PALD1: variants seen among roughly 807,000 people sequenced by gnomAD.
The protein encoded by PALD1 is phosphatase domain containing paladin 1.
PALD1 carries 57 observed loss-of-function variants against 96.0 expected under a neutral mutation model. The observed-to-expected ratio is 0.59, with a 90% CI of 0.48 to 0.74. The LOEUF is 0.74. Ranked by LOEUF, PALD1 falls within the 30% of genes least tolerant of loss-of-function variation. PALD1 has a pLI of 0.00. For synonymous variants in PALD1, 464 were observed against 473.6 expected (o/e 0.98, Z 0.26); for missense variants, 1,063 against 1,143.7 (o/e 0.93, Z 1.02).
At chr10:70,537,050 T>C (rs913770863) in intron 10 of PALD1, among the ~76,000 whole-genome samples, 1 of 152,112 alleles carries the variant, frequency 6.6e-6, no homozygotes, top group Non-Finnish European at 1.5e-5. Context: ...TTAGGATGGC[T>C]CCCCTGGAGC....
intron 18 of PALD1, among the ~76,000 whole-genome samples, chr10:70,558,143 G>A (rs1333028375): frequency 6.6e-6 from 1 of 151,840 alleles, no homozygotes; most frequent in African/African-American, 2.4e-5. Context: ...ACAGGATCTT[G>A]CTCTGTTGCC....
intron 17 of PALD1, 72 bp downstream of exon 17, chr10:70,541,606 TAGGGGTCCTCA>T: frequency 8.8e-7 from 1 of 1,138,562 alleles, no homozygotes; most frequent in East Asian, 2.5e-5. Flanking sequence ...CTTGCCGGTC[TAGGGGTCCTCA>T]AAGCACGTCC....
chr10:70,525,981 G>C lies in PALD1; in HGVS notation c.30G>C (p.Gln10His), dbSNP rs1846853664. MGTTASTAQ[Q>H]TVSAGTPFEG... ...GTACAACGGCCAGCACAGCCCAGCA[G>C]ACGGTCTCGGCAGGCACCCCATTTG... Residue 10 changes from glutamine to histidine, a missense_variant, in exon 2 of 20, where the codon CAG (glutamine) becomes CAC (histidine). Transcript: ENST00000263563. 6.2e-7 allele frequency: 1 copy of C among 1,614,216 alleles called. No individual in the cohort carries two copies.
At chr10:70,480,729 G>C (rs548330335) in intron 1 of PALD1, among the ~76,000 whole-genome samples, 2 of 152,370 alleles carry the variant, frequency 1.3e-5, no homozygotes, top group African/African-American at 4.8e-5. Context: ...GGCTGGCACT[G>C]TGAGAACTTG....
chr10:70,528,158 C>T (rs1367462131), intron 2 of PALD1, among the ~76,000 whole-genome samples: 4 of 152,140 alleles, frequency 2.6e-5, no homozygotes, highest in African/African-American at 9.7e-5. Context: ...TATGAAGGCA[C>T]TTCTTTTGTC....
At chr10:70,465,545 A>G in the PALD1 span, among the ~76,000 whole-genome samples, 1 of 152,168 alleles carries the variant, frequency 6.6e-6, no homozygotes, top group African/African-American at 2.4e-5. Flanking sequence ...CATCGTCAAA[A>G]TAACCCTGCC....
At chr10:70,504,260 C>G (rs951337882) in intron 1 of PALD1, among the ~76,000 whole-genome samples, 2 of 152,186 alleles carry the variant, frequency 1.3e-5, no homozygotes, top group Admixed American at 1.3e-4. Flanking sequence ...GGCATGGTGG[C>G]TCACGCCCGT....
At chr10:70,466,969 C>T in the PALD1 span, among the ~76,000 whole-genome samples, 1 of 152,182 alleles carries the variant, frequency 6.6e-6, no homozygotes, top group Non-Finnish European at 1.5e-5. Context: ...GGCATTTTAA[C>T]AATTTCGCTG....
At chr10:70,467,937 C>T in the PALD1 span, among the ~76,000 whole-genome samples, 14,326 of 152,144 alleles carry the variant, frequency 0.094, 1,036 homozygotes, top group East Asian at 0.33. Context: ...AAGTTCGCCA[C>T]CTGCCACCAA....
chr10:70,482,843 C>T (rs947636763), intron 1 of PALD1, among the ~76,000 whole-genome samples: 1 of 152,046 alleles, frequency 6.6e-6, no homozygotes, highest in Non-Finnish European at 1.5e-5. Context: ...AGAGAGCCTC[C>T]GAGGCTGTCT....
intron 3 of PALD1, 128 bp downstream of exon 3, chr10:70,529,459 C>G: frequency 1.6e-6 from 1 of 628,936 alleles, no homozygotes; most frequent in Non-Finnish European, 2.9e-6. Flanking sequence ...TCAGAACGGG[C>G]AGGGCCCTAG....
chr10:70,525,901 TG>T (rs1316524319), intron 1 of PALD1, 21 bp from the exon 2 acceptor site: 1 of 1,601,808 alleles, frequency 6.2e-7, no homozygotes, highest in Non-Finnish European at 8.5e-7. Context: ...CCTCCTTCAC[TG>T]CACACCCTCT....
the PALD1 span, among the ~76,000 whole-genome samples, chr10:70,460,804 T>C: frequency 1.1e-4 from 17 of 152,160 alleles, no homozygotes; most frequent in Non-Finnish European, 2.4e-4. Flanking sequence ...GCCTGTAATC[T>C]CAGCACTTTG....
rs1056515443 is a variant in PALD1, at chr10:70,566,945, G to A, written c.*212G>A. The A allele has an allele frequency of 6.2e-5, 34 of 549,244 alleles. No individual in the cohort carries two copies. Among genetic ancestry groups the A allele is most frequent in the African/African-American group, 5.3e-4 (28 of 52,616 alleles). 34.0% of individuals were successfully genotyped at this position (549,244 alleles called of 1,614,324 possible). ...GCCATCCCTTGCAAACCACCAAGGT[G>A]TGTGGCTGACCTCCAGGGAGGAGCA... On this transcript the variant is annotated 3_prime_UTR_variant, in exon 20 of 20. Transcript: ENST00000263563.
rs1367051856 is a variant in PALD1, at chr10:70,539,301, C to T, written c.1725+54C>T. 1.3e-6 allele frequency: 2 copies of T among 1,524,570 alleles called. No individual in the cohort carries two copies. The highest frequency in any genetic ancestry group is 1.2e-5 in the South Asian group (1 of 83,264). 94.4% of individuals were successfully genotyped at this position (1,524,570 alleles called of 1,614,324 possible). On this transcript the variant is annotated intron_variant, in intron 14 of 19. Transcript: ENST00000263563. The surrounding 1 kb of genome is among the most constrained non-coding windows in gnomAD (Gnocchi z 4.5). ...TGCCTCCGAGGCTTCTGGGGAGTGG[C>T]CTGGGAGGGTCTTCAGAAGGCCTCA... is the stretch of plus-strand genomic sequence containing the variant.
rs1847868536 is a variant in PALD1 at position 70,566,957 on chromosome 10, T to A, written c.*224T>A. 1.9e-6 allele frequency: 1 copy of A among 535,216 alleles called. No homozygotes were observed. The highest frequency in any genetic ancestry group is 3.6e-5 in the Admixed American group (1 of 28,038). The allele number at this position is 535,216 out of a possible 1,614,324, so 33.2% of individuals were successfully genotyped here. On this transcript the variant is annotated 3_prime_UTR_variant, in exon 20 of 20. Transcript: ENST00000263563. ...AAACCACCAAGGTGTGTGGCTGACC[T>A]CCAGGGAGGAGCACTCACTGGAGTG...
At chr10:70,496,345 G>A (rs1292732853) in intron 1 of PALD1, among the ~76,000 whole-genome samples, 1 of 152,134 alleles carries the variant, frequency 6.6e-6, no homozygotes, top group Non-Finnish European at 1.5e-5. Flanking sequence ...TATCACCTGT[G>A]TCTCCCTACC....
In PALD1 at chr10:70,532,733, T is replaced by C. The variant is rs1257677337; in HGVS notation, c.746T>C (p.Val249Ala). The change falls in exon 6 of 20, where the codon GTG becomes GCG. Residue 249 changes from valine (V) to alanine (A), a missense_variant. Coordinates refer to ENST00000263563, the MANE Select transcript of PALD1 (RefSeq NM_014431.3). The part of the protein sequence containing the change: ...VAIHGEDDLH[V>A]TEEVYKRPLF... Reference sequence around the variant, plus strand: ...ATCCATGGTGAGGACGACTTGCATGTGACGGAGGAGGTGTACAAGCGGCCC... The same window carrying C: ...ATCCATGGTGAGGACGACTTGCATGCGACGGAGGAGGTGTACAAGCGGCCC... 1.2e-6 allele frequency: 2 copies of C among 1,614,166 alleles called. No individual in the cohort carries two copies.
chr10:70,556,273 C>A (rs1847606426), intron 18 of PALD1, among the ~76,000 whole-genome samples: 1 of 77,612 alleles, frequency 1.3e-5, no homozygotes, highest in Non-Finnish European at 2.7e-5. Context: ...TTCTCAGTAG[C>A]CGAGACCTCT....
Sources: gnomAD v4.1 joint callset for allele counts (sites outside exome capture counted in the v4.1 genomes callset) on GRCh38, gnomAD v4.1.1 for gene constraint, Gnocchi (gnomAD v3.1) non-coding constraint, MANE v1.5 for transcripts, NCBI Gene and HGNC (gene_info 2026-07-23, HGNC 2026-07-21) for gene names.